DMD: variants seen among roughly 807,000 people sequenced by gnomAD.
The protein encoded by DMD is mutant dystrophin.
A neutral mutation model predicts 330.1 loss-of-function variants in DMD; 63 were observed. The ratio of observed to expected loss-of-function variants is 0.19; its 90% confidence interval spans 0.16 to 0.24. DMD has a LOEUF of 0.24. Ranked by LOEUF, DMD falls within the 10% of genes least tolerant of loss-of-function variation. DMD has a pLI of 1.00. For synonymous variants in DMD, 1,223 were observed against 959.8 expected (o/e 1.27, Z -5.07); for missense variants, 3,344 against 2,684.1 (o/e 1.25, Z -5.43).
chrX:32,815,520 T>TATATATATATATACACACACACACAC, intron 6 of DMD, among the ~76,000 whole-genome samples: 40 of 78,904 alleles, frequency 5.1e-4, no homozygotes, highest in African/African-American at 2.0e-3. Flanking sequence ...TATATATATA[T>TATATATATATATACACACACACACAC]ACACACACAC....
intron 34 of DMD, among the ~76,000 whole-genome samples, chrX:32,366,231 C>T (rs752516552): frequency 2.7e-5 from 3 of 112,184 alleles, no homozygotes; most frequent in Admixed American, 9.4e-5. Flanking sequence ...GTACATGGCA[C>T]GGCTGACAGA....
chrX:32,412,059 C>T (rs2098144276), intron 29 of DMD, 146 bp from the exon 30 acceptor site: 1 of 1,187,650 alleles, frequency 8.4e-7, no homozygotes. Context: ...GGCACTCATT[C>T]AGCTCTGTTG....
chrX:32,770,015 T>A (rs1259664413), intron 7 of DMD, among the ~76,000 whole-genome samples: 1 of 111,807 alleles, frequency 8.9e-6, no homozygotes, highest in Non-Finnish European at 1.9e-5. Context: ...TTCTGTAAGA[T>A]AAAAACATGG....
intron 2 of DMD, among the ~76,000 whole-genome samples, chrX:32,854,134 G>A (rs960215194): frequency 2.7e-5 from 3 of 111,344 alleles, no homozygotes; most frequent in African/African-American, 6.5e-5. Flanking sequence ...AGCCTTGGAC[G>A]TCATCAGGCA....
At chrX:32,975,697 C>A (rs1037264432) in intron 2 of DMD, among the ~76,000 whole-genome samples, 2 of 110,492 alleles carry the variant, frequency 1.8e-5, no homozygotes, top group Non-Finnish European at 3.8e-5. Flanking sequence ...CATCTTTCTG[C>A]TCTGAAATGT....
intron 1 of DMD, among the ~76,000 whole-genome samples, chrX:33,250,458 G>A (rs2052755105): frequency 1.8e-5 from 2 of 110,703 alleles, no homozygotes; most frequent in Admixed American, 1.9e-4. Context: ...ACCTCCTGCT[G>A]TGCAGCTGGG....
intron 1 of DMD, among the ~76,000 whole-genome samples, chrX:33,279,534 C>T (rs1006417413): frequency 2.8e-5 from 3 of 109,027 alleles, no homozygotes; most frequent in South Asian, 8.0e-4. Flanking sequence ...TTTGTGGATA[C>T]GTTTCTGTAT....
At chrX:32,228,682 A>G (rs984864717) in intron 43 of DMD, among the ~76,000 whole-genome samples, 1 of 111,751 alleles carries the variant, frequency 8.9e-6, no homozygotes, top group African/African-American at 3.3e-5. Flanking sequence ...CATTTAATTG[A>G]GTCTTAATTT....
At chrX:32,879,154 C>T (rs1569538246) in intron 2 of DMD, among the ~76,000 whole-genome samples, 1 of 111,536 alleles carries the variant, frequency 9.0e-6, no homozygotes. Context: ...TCTCCCTATG[C>T]CTCTCACAGC....
chrX:31,452,939 A>G (rs2065868552), intron 59 of DMD, among the ~76,000 whole-genome samples: 1 of 111,951 alleles, frequency 8.9e-6, no homozygotes, highest in South Asian at 3.7e-4. Context: ...TTTGCAAACC[A>G]TACACCCGGT....
intron 7 of DMD, among the ~76,000 whole-genome samples, chrX:32,718,370 T>C (rs909243335): frequency 2.1e-4 from 23 of 111,244 alleles, no homozygotes; most frequent in African/African-American, 6.9e-4. Context: ...CCTCCTTCTC[T>C]GGCCATGTAA....
intron 47 of DMD, among the ~76,000 whole-genome samples, chrX:31,907,700 A>G (rs1247358711): frequency 8.9e-6 from 1 of 112,465 alleles, no homozygotes; most frequent in African/African-American, 3.2e-5. Context: ...TGGCAACAGA[A>G]GCCAAAATTG....
At chrX:33,021,608 C>A (rs1029060663) in intron 1 of DMD, among the ~76,000 whole-genome samples, 1 of 111,069 alleles carries the variant, frequency 9.0e-6, no homozygotes, top group Non-Finnish European at 1.9e-5. Context: ...TATGCATGCA[C>A]CAAAAATATC....
intron 50 of DMD, among the ~76,000 whole-genome samples, chrX:31,786,945 T>A (rs1397987875): frequency 2.7e-5 from 3 of 112,362 alleles, no homozygotes; most frequent in African/African-American, 9.7e-5. Flanking sequence ...TGTGTGCAAC[T>A]TTTTGTCTCA....
chrX:31,875,428 A>C, intron 47 of DMD, 55 bp from the exon 48 acceptor site: 1 of 934,906 alleles, frequency 1.1e-6, no homozygotes, highest in Non-Finnish European at 1.5e-6. Context: ...ATAAGCCAAA[A>C]TGTTTAAAAA....
At chrX:31,691,250 T>A (rs1746620084) in intron 52 of DMD, among the ~76,000 whole-genome samples, 1 of 110,653 alleles carries the variant, frequency 9.0e-6, no homozygotes, top group Non-Finnish European at 1.9e-5. Context: ...AGCCTCGGAG[T>A]ATCCACAAAG....
intron 29 of DMD, among the ~76,000 whole-genome samples, chrX:32,414,301 C>T (rs1046290163): frequency 1.2e-4 from 13 of 111,478 alleles, no homozygotes; most frequent in African/African-American, 4.2e-4. Flanking sequence ...GGAGGTAATT[C>T]TTGCATGTTC....
chrX:31,354,015 A>G (rs935639556), intron 60 of DMD, among the ~76,000 whole-genome samples: 1 of 112,157 alleles, frequency 8.9e-6, no homozygotes, highest in East Asian at 2.8e-4. Flanking sequence ...AACTGGAAGA[A>G]ACCTTGATTG....
At chrX:32,507,001 C>T (rs2044697784) in intron 18 of DMD, among the ~76,000 whole-genome samples, 1 of 111,528 alleles carries the variant, frequency 9.0e-6, no homozygotes, top group African/African-American at 3.3e-5. Flanking sequence ...TCCTTAGCAG[C>T]TTATGGCATA....
Sources: allele counts gnomAD v4.1 joint callset (sites outside exome capture counted in the v4.1 genomes callset), GRCh38; gene constraint gnomAD v4.1.1; transcripts MANE v1.5; gene names NCBI Gene and HGNC (gene_info 2026-07-23, HGNC 2026-07-21).